The following SEMA5A variants were observed in gnomAD, a reference collection of about 807,000 sequenced individuals.
SEMA5A encodes semaphorin 5A.
A neutral mutation model predicts 135.5 loss-of-function variants in SEMA5A; 55 were observed. That is an observed-to-expected ratio of 0.41 (90% CI 0.33 to 0.51). The LOEUF (loss-of-function observed/expected upper bound fraction) is 0.51, where lower values mean the gene tolerates loss of function less well. Among genes scored for constraint, SEMA5A ranks in the 20% least tolerant of loss-of-function variants. The pLI is 0.37. For synonymous variants in SEMA5A, 580 were observed against 546.5 expected, an observed-to-expected ratio of 1.06 and a Z score of -0.85; for missense variants, 1,290 against 1,419.9, an observed-to-expected ratio of 0.91 and a Z score of 1.47.
At chr5:9,342,063 C>A (rs1753676984) in intron 3 of SEMA5A, among the ~76,000 whole-genome samples, 1 of 145,918 alleles carries the variant, frequency 6.9e-6, no homozygotes, top group East Asian at 2.0e-4. Context: ...TAAATAGATT[C>A]AAGTTAATGT....
At chr5:9,097,683 T>C (rs145280841) in intron 16 of SEMA5A, among the ~76,000 whole-genome samples, 101 of 151,948 alleles carry the variant, frequency 6.6e-4, no homozygotes, top group African/African-American at 2.3e-3. Context: ...GATCCTGGGG[T>C]GGGGAGAGTG....
intron 1 of SEMA5A, among the ~76,000 whole-genome samples, chr5:9,439,762 G>A (rs1010332725): frequency 5.9e-5 from 9 of 152,186 alleles, no homozygotes; most frequent in Admixed American, 1.3e-4. Context: ...AGCCTGGACC[G>A]CCAGACAGTC....
At chr5:9,524,090 T>C (rs1736987469) in intron 1 of SEMA5A, among the ~76,000 whole-genome samples, 1 of 152,086 alleles carries the variant, frequency 6.6e-6, no homozygotes, top group Non-Finnish European at 1.5e-5. Context: ...CCTAGTGCAG[T>C]GTTGTGATGG....
chr5:9,162,562 GTGTATA>G (rs1560977233), intron 11 of SEMA5A, among the ~76,000 whole-genome samples: 1 of 63,204 alleles, frequency 1.6e-5, no homozygotes, highest in East Asian at 4.4e-4. Context: ...GTGTGTGTGT[GTGTATA>G]TATATATATA....
chr5:9,059,154 T>TA (rs1020031142), intron 18 of SEMA5A, among the ~76,000 whole-genome samples: 2 of 151,374 alleles, frequency 1.3e-5, no homozygotes, highest in Non-Finnish European at 2.9e-5. Context: ...ATTAGGTTTT[T>TA]ACCTTCATTT....
At chr5:9,123,257 T>A (rs1579435416) in intron 13 of SEMA5A, among the ~76,000 whole-genome samples, 1 of 7,622 alleles carries the variant, frequency 1.3e-4, no homozygotes, top group Admixed American at 2.0e-3. Flanking sequence ...AGACTCCGCC[T>A]CAAAAAAAAA....
intron 3 of SEMA5A, among the ~76,000 whole-genome samples, chr5:9,365,266 G>T (rs904573557): frequency 1.3e-5 from 2 of 152,126 alleles, no homozygotes; most frequent in Admixed American, 1.3e-4. Context: ...CTCATTTGGA[G>T]TGTAAAATTT....
At chr5:9,323,475 A>G (rs1579343605) in intron 4 of SEMA5A, among the ~76,000 whole-genome samples, 1 of 120,074 alleles carries the variant, frequency 8.3e-6, no homozygotes, top group Non-Finnish European at 2.1e-5. Flanking sequence ...AAATCAGTTG[A>G]TGAAGCTTTC....
chr5:9,231,493 A>T (rs938152012), intron 6 of SEMA5A, among the ~76,000 whole-genome samples: 1 of 114,164 alleles, frequency 8.8e-6, no homozygotes, highest in Non-Finnish European at 1.8e-5. Flanking sequence ...AAAAAAAAAA[A>T]TGGAAATGAG....
chr5:9,173,048 T>C (rs1744011474), intron 11 of SEMA5A, among the ~76,000 whole-genome samples: 2 of 152,048 alleles, frequency 1.3e-5, no homozygotes, highest in Admixed American at 6.5e-5. Context: ...CGTGTGTTGA[T>C]TGCTCTTAAA....
At chr5:9,174,550 T>C (rs1579541809) in intron 11 of SEMA5A, among the ~76,000 whole-genome samples, 1 of 152,206 alleles carries the variant, frequency 6.6e-6, no homozygotes, top group Non-Finnish European at 1.5e-5. Flanking sequence ...ACCCATTCCT[T>C]CCATGTCCTT....
chr5:9,249,503 C>A (rs1408936875), intron 5 of SEMA5A, among the ~76,000 whole-genome samples: 1 of 152,118 alleles, frequency 6.6e-6, no homozygotes, highest in African/African-American at 2.4e-5. Flanking sequence ...GGGTATCTCC[C>A]GTGTGTGTAA....
intron 5 of SEMA5A, among the ~76,000 whole-genome samples, chr5:9,269,096 G>A (rs1749834923): frequency 6.6e-6 from 1 of 152,072 alleles, no homozygotes; most frequent in African/African-American, 2.4e-5. Flanking sequence ...ATGTGGTGGG[G>A]GAATGAACTG....
chr5:9,507,720 C>T (rs1209401073), intron 1 of SEMA5A, among the ~76,000 whole-genome samples: 1 of 151,978 alleles, frequency 6.6e-6, no homozygotes, highest in East Asian at 1.9e-4. Flanking sequence ...GGTAAAACTT[C>T]AGGGACGGGT....
At chr5:9,047,766 C>T (rs1269625067) in intron 21 of SEMA5A, among the ~76,000 whole-genome samples, 3 of 152,150 alleles carry the variant, frequency 2.0e-5, no homozygotes, top group Non-Finnish European at 2.9e-5. Context: ...TGTGCCAGTG[C>T]CAGCAGCCTG....
chr5:9,399,077 C>A (rs1442131462), intron 2 of SEMA5A, among the ~76,000 whole-genome samples: 2 of 152,160 alleles, frequency 1.3e-5, no homozygotes, highest in African/African-American at 4.8e-5. Flanking sequence ...TTCAATAACC[C>A]AGCAATCCCA....
intron 3 of SEMA5A, among the ~76,000 whole-genome samples, chr5:9,356,875 C>T (rs1207060914): frequency 1.3e-5 from 2 of 152,184 alleles, no homozygotes; most frequent in African/African-American, 2.4e-5. Context: ...GTGTTGCTAG[C>T]TTTGTCTCTT....
At chr5:9,317,856 T>A (rs1752459356) in intron 5 of SEMA5A, among the ~76,000 whole-genome samples, 1 of 152,192 alleles carries the variant, frequency 6.6e-6, no homozygotes, top group Non-Finnish European at 1.5e-5. Context: ...AAGTACAAGA[T>A]CTCAGGTCCA....
intron 16 of SEMA5A, among the ~76,000 whole-genome samples, chr5:9,090,709 C>G (rs1043483941): frequency 3.3e-5 from 5 of 152,150 alleles, no homozygotes; most frequent in Non-Finnish European, 7.3e-5. Flanking sequence ...CAATGATGAA[C>G]CAAAGAGACA....
Sources: allele counts gnomAD v4.1 joint callset (sites outside exome capture counted in the v4.1 genomes callset), GRCh38; gene constraint gnomAD v4.1.1; transcripts MANE v1.5; gene names NCBI Gene and HGNC (gene_info 2026-07-23, HGNC 2026-07-21).